EIF4E3: variants seen among roughly 807,000 people sequenced by gnomAD.
EIF4E3 encodes the protein eukaryotic translation initiation factor 4E type 3.
In EIF4E3, 26 loss-of-function variants were observed where a neutral mutation model predicts 31.7. The ratio of observed to expected loss-of-function variants is 0.82; its 90% CI spans 0.60 to 1.14. The LOEUF (loss-of-function observed/expected upper bound fraction) is 1.14, where lower values mean the gene tolerates loss of function less well. Ranked by LOEUF, EIF4E3 falls within the 50% of genes most tolerant of loss-of-function variation. The pLI, the probability that EIF4E3 is intolerant of heterozygous loss-of-function variation, is 0.00. For synonymous variants in EIF4E3, 128 were observed against 107.7 expected, an observed-to-expected ratio of 1.19 and a Z score of -1.17; for missense variants, 304 against 270.9, an observed-to-expected ratio of 1.12 and a Z score of -0.86.
rs1035701399 is a variant in EIF4E3 at position 71,678,927 on chromosome 3, A to G, written c.*5755T>C. The stretch of plus-strand genomic sequence containing the variant: ...AATTCTTTTATATAATCATTGAAAT[A>G]AATTCTCCATGAGAATATATTCAAA... On this transcript the variant is annotated 3_prime_UTR_variant, in exon 7 of 7. Coordinates refer to ENST00000425534, the MANE Select transcript of EIF4E3 (RefSeq NM_001134651.2). 3.3e-5 allele frequency: 5 copies of G among 152,230 alleles called. No homozygotes were observed. Among genetic ancestry groups the G allele is most frequent in the African/African-American group, 1.2e-4 (5 of 41,460 alleles). 9.4% of individuals were successfully genotyped at this position (152,230 alleles called of 1,614,324 possible).
chr3:71,673,911 A>T (rs985961845), downstream of EIF4E3, among the ~76,000 whole-genome samples: 3 of 130,980 alleles, frequency 2.3e-5, no homozygotes, highest in Non-Finnish European at 3.1e-5. Flanking sequence ...TATAATAATT[A>T]TATATATATA....
intron 1 of EIF4E3, among the ~76,000 whole-genome samples, chr3:71,746,072 C>T (rs759694893): frequency 8.5e-5 from 13 of 152,208 alleles, no homozygotes; most frequent in Non-Finnish European, 1.3e-4. Context: ...ATACTTCTAT[C>T]ATCCCAATAG....
At chr3:71,724,826 G>A (rs1007893232) in intron 1 of EIF4E3, among the ~76,000 whole-genome samples, 1 of 152,194 alleles carries the variant, frequency 6.6e-6, no homozygotes, top group Non-Finnish European at 1.5e-5. Context: ...GGGTAAGCAG[G>A]ACAGCCCTCT....
At chr3:71,700,229 T>C (rs2049196544) in intron 2 of EIF4E3, among the ~76,000 whole-genome samples, 1 of 152,108 alleles carries the variant, frequency 6.6e-6, no homozygotes, top group Non-Finnish European at 1.5e-5. Flanking sequence ...TCCTTGCTGA[T>C]GCTGTGCCAA....
rs1044492049 is a variant in EIF4E3, at chr3:71,679,178, CTAAAAT to C, written c.*5498_*5503del. ...ACCATTCATCATGTAATGTAAAGTG[CTAAAAT>C]TAAAATTTTCACCCTAAGCCTTCAT... On this transcript the variant is annotated 3_prime_UTR_variant, in exon 7 of 7. Transcript: ENST00000425534. The C allele has an allele frequency of 3.9e-5, 6 of 152,064 alleles. No homozygotes were observed. Among genetic ancestry groups the C allele is most frequent in the African/African-American group, 1.2e-4 (5 of 41,418 alleles). The allele number at this position is 152,064 out of a possible 1,614,324, so 9.4% of individuals were successfully genotyped here.
chr3:71,673,725 G>T (rs1162537812), downstream of EIF4E3, among the ~76,000 whole-genome samples: 1 of 151,728 alleles, frequency 6.6e-6, no homozygotes. Context: ...TAAATTGTCA[G>T]CTCCATGAAA....
intron 2 of EIF4E3, among the ~76,000 whole-genome samples, chr3:71,709,346 T>C (rs1248966674): frequency 2.0e-5 from 3 of 152,206 alleles, no homozygotes; most frequent in South Asian, 2.1e-4. Flanking sequence ...GAACCTGCTA[T>C]TGAAGAAAAT....
intron 1 of EIF4E3, among the ~76,000 whole-genome samples, chr3:71,741,558 C>T (rs1349360384): frequency 6.6e-6 from 1 of 152,132 alleles, no homozygotes; most frequent in East Asian, 1.9e-4. Context: ...AAATACAAAT[C>T]CAGAATTATA....
intron 1 of EIF4E3, among the ~76,000 whole-genome samples, chr3:71,718,764 C>T (rs1409560179): frequency 6.6e-6 from 1 of 152,218 alleles, no homozygotes. Context: ...AAGAAGCAAC[C>T]ACTGACCTGA....
chr3:71,690,669 A>G (rs2049052193), intron 5 of EIF4E3, among the ~76,000 whole-genome samples: 1 of 152,222 alleles, frequency 6.6e-6, no homozygotes, highest in South Asian at 2.1e-4. Context: ...AACTGGAGCC[A>G]GATTGTGCAT....
the EIF4E3 span, among the ~76,000 whole-genome samples, chr3:71,664,401 G>T: frequency 1.3e-5 from 2 of 151,430 alleles, no homozygotes; most frequent in South Asian, 4.2e-4. Flanking sequence ...TTTTTTTGGT[G>T]GGGGGTGGGG....
chr3:71,725,627 G>A (rs1048108508), upstream of EIF4E3, among the ~76,000 whole-genome samples: 2 of 152,036 alleles, frequency 1.3e-5, no homozygotes, highest in African/African-American at 2.4e-5. This position sits in a 1 kb window ranked among gnomAD's most constrained non-coding sequence, Gnocchi z 6.1. Flanking sequence ...CTCAGGCGCG[G>A]GCCCAGCGTG....
chr3:71,667,064 T>G, the EIF4E3 span, among the ~76,000 whole-genome samples: 458 of 152,316 alleles, frequency 3.0e-3, 3 homozygotes, highest in African/African-American at 0.011. Context: ...CACAATCAAG[T>G]TGGCTTCATC....
upstream of EIF4E3, among the ~76,000 whole-genome samples, chr3:71,729,734 T>C (rs1236886136): frequency 6.6e-6 from 1 of 152,036 alleles, no homozygotes; most frequent in Admixed American, 6.6e-5. Context: ...TTCTAAGCTC[T>C]CCAGGTTCAT....
intron 1 of EIF4E3, among the ~76,000 whole-genome samples, chr3:71,743,678 A>T (rs76461266): frequency 0.013 from 1,982 of 152,294 alleles, 19 homozygotes; most frequent in Non-Finnish European, 0.021. Context: ...AAAAAGAAGA[A>T]CAATTTGGAG....
At position 71,679,043 on chromosome 3, in the gene EIF4E3, A is replaced by T. The variant is rs1257575219; in HGVS notation, c.*5639T>A. ...GGTTGTAAGCCACATTATCTGATTAAAGTCTGAGAACTTTGGGGAGAATTT... is the reference window on the plus strand; with the variant it reads ...GGTTGTAAGCCACATTATCTGATTATAGTCTGAGAACTTTGGGGAGAATTT... On this transcript the variant is annotated 3_prime_UTR_variant, in exon 7 of 7. Coordinates refer to ENST00000425534, the MANE Select transcript of EIF4E3 (RefSeq NM_001134651.2). 1 of 152,226 alleles carries T rather than the reference A, an allele frequency of 6.6e-6. No homozygotes were observed. Among genetic ancestry groups the T allele is most frequent in the Non-Finnish European group, 1.5e-5 (1 of 68,018 alleles). 9.4% of individuals were successfully genotyped at this position (152,226 alleles called of 1,614,324 possible). A position where few individuals can be genotyped will look rare whatever the true frequency, so the allele number is the denominator to read the frequency against.
chr3:71,674,573 G>C (rs552539456), downstream of EIF4E3, among the ~76,000 whole-genome samples: 4 of 152,290 alleles, frequency 2.6e-5, no homozygotes, highest in South Asian at 6.2e-4. Flanking sequence ...CAATAAGGTA[G>C]AAAGATCATA....
chr3:71,714,509 T>C (rs542978820), intron 1 of EIF4E3, among the ~76,000 whole-genome samples: 165 of 152,290 alleles, frequency 1.1e-3, no homozygotes, highest in African/African-American at 3.9e-3. Flanking sequence ...TCGGAAGTAC[T>C]GATGGTAGTA....
At chr3:71,751,793 G>A (rs1008556922) in intron 1 of EIF4E3, among the ~76,000 whole-genome samples, 1 of 152,158 alleles carries the variant, frequency 6.6e-6, no homozygotes, top group South Asian at 2.1e-4. Flanking sequence ...AAGAAATGAT[G>A]GCTGGGGCGT....
Sources: gnomAD v4.1 joint callset for allele counts (sites outside exome capture counted in the v4.1 genomes callset) on GRCh38, gnomAD v4.1.1 for gene constraint, Gnocchi (gnomAD v3.1) non-coding constraint, MANE v1.5 for transcripts, NCBI Gene and HGNC (gene_info 2026-07-23, HGNC 2026-07-21) for gene names.